PCDH11X: variants seen among roughly 807,000 people sequenced by gnomAD.
The protein encoded by PCDH11X is protocadherin-11 X-linked.
PCDH11X carries 18 observed loss-of-function variants against 53.3 expected under a neutral mutation model. That is an observed-to-expected ratio of 0.34 (90% CI 0.23 to 0.50). The LOEUF is 0.50. Among genes scored for constraint, PCDH11X ranks in the 20% least tolerant of loss-of-function variants. The pLI is 0.98. For missense variants in PCDH11X, 570 were observed against 1,032.4 expected, an observed-to-expected ratio of 0.55 and a Z score of 6.14; for synonymous variants, 279 against 393.3, an observed-to-expected ratio of 0.71 and a Z score of 3.44.
At chrX:92,131,922 G>A (rs1295276329) in intron 6 of PCDH11X, among the ~76,000 whole-genome samples, 5 of 108,380 alleles carry the variant, frequency 4.6e-5, no homozygotes, top group African/African-American at 1.3e-4. Context: ...AACTCTTGGT[G>A]GGCTTTTGTT....
chrX:92,377,512 ATG>A (rs1221408791), intron 8 of PCDH11X, among the ~76,000 whole-genome samples: 3 of 111,474 alleles, frequency 2.7e-5, no homozygotes, highest in Non-Finnish European at 5.7e-5. Context: ...AATAGAAAAT[ATG>A]TGATTCCTTT....
At chrX:92,383,863 A>G (rs1385785227) in intron 8 of PCDH11X, among the ~76,000 whole-genome samples, 1 of 111,671 alleles carries the variant, frequency 9.0e-6, no homozygotes, top group Non-Finnish European at 1.9e-5. Flanking sequence ...GCTGGGTCAA[A>G]TGGTATTTCT....
chrX:91,837,584 G>A (rs1389207954), intron 5 of PCDH11X, among the ~76,000 whole-genome samples: 1 of 111,445 alleles, frequency 9.0e-6, no homozygotes, highest in African/African-American at 3.3e-5. Context: ...CATAATATGA[G>A]GATGATAATT....
intron 4 of PCDH11X, among the ~76,000 whole-genome samples, chrX:91,824,562 A>T (rs1936833736): frequency 9.3e-6 from 1 of 107,019 alleles, no homozygotes; most frequent in Admixed American, 9.9e-5. Context: ...TGGTTATTCT[A>T]GTTATACATT....
intron 8 of PCDH11X, among the ~76,000 whole-genome samples, chrX:92,295,267 A>C (rs767256824): frequency 9.0e-6 from 1 of 110,622 alleles, no homozygotes; most frequent in East Asian, 2.9e-4. Context: ...TGTGTTATTT[A>C]TATTGGTCAT....
At chrX:92,282,079 G>A (rs1402785886) in intron 8 of PCDH11X, among the ~76,000 whole-genome samples, 2 of 110,867 alleles carry the variant, frequency 1.8e-5, no homozygotes, top group Non-Finnish European at 3.8e-5. Context: ...AGAGGAGGGA[G>A]GAGGAGAAGG....
intron 10 of PCDH11X, among the ~76,000 whole-genome samples, chrX:92,592,500 G>A (rs1053054910): frequency 9.1e-6 from 1 of 109,475 alleles, no homozygotes; most frequent in Non-Finnish European, 1.9e-5. Flanking sequence ...GGGAGGCTGA[G>A]TTGGTCAGAT....
intron 5 of PCDH11X, among the ~76,000 whole-genome samples, chrX:91,847,528 C>A (rs1937750012): frequency 9.0e-6 from 1 of 111,038 alleles, no homozygotes; most frequent in Non-Finnish European, 1.9e-5. Context: ...GTAATTCCTT[C>A]TTTTCCATTT....
intron 5 of PCDH11X, among the ~76,000 whole-genome samples, chrX:91,837,141 G>T: frequency 9.3e-6 from 1 of 107,020 alleles, no homozygotes; most frequent in East Asian, 2.9e-4. Context: ...TGACCTGGAG[G>T]ATATATAATA....
intron 6 of PCDH11X, among the ~76,000 whole-genome samples, chrX:92,010,725 AT>A (rs200421427): frequency 1.0e-4 from 11 of 108,314 alleles, no homozygotes; most frequent in East Asian, 8.7e-4. Context: ...CACAATCACT[AT>A]TTTTTTTTCT....
At chrX:91,873,793 AT>A (rs1939447897) in intron 5 of PCDH11X, among the ~76,000 whole-genome samples, 2 of 111,622 alleles carry the variant, frequency 1.8e-5, no homozygotes, top group South Asian at 7.4e-4. Flanking sequence ...ACTTTGGAAC[AT>A]TTTCCTTGTT....
intron 9 of PCDH11X, among the ~76,000 whole-genome samples, chrX:92,406,085 T>C (rs2071504730): frequency 1.5e-5 from 1 of 67,453 alleles, no homozygotes; most frequent in Non-Finnish European, 2.6e-5. Context: ...GGCAACAGAG[T>C]GAGACTCTGT....
At chrX:92,418,656 A>G (rs1263475455) in intron 9 of PCDH11X, among the ~76,000 whole-genome samples, 1 of 108,931 alleles carries the variant, frequency 9.2e-6, no homozygotes, top group Admixed American at 9.9e-5. Context: ...TAGTGGTACG[A>G]TCATAGTTTA....
chrX:92,499,270 C>A (rs1300039930), intron 10 of PCDH11X, among the ~76,000 whole-genome samples: 2 of 92,864 alleles, frequency 2.2e-5, no homozygotes, highest in Non-Finnish European at 4.3e-5. Flanking sequence ...AATATGATAT[C>A]TAAGTTAATT....
At chrX:92,206,039 A>G (rs1427983532) in intron 7 of PCDH11X, among the ~76,000 whole-genome samples, 1 of 112,157 alleles carries the variant, frequency 8.9e-6, no homozygotes. Flanking sequence ...CTTGTTATTG[A>G]CACAATTATT....
chrX:92,382,339 A>C (rs1310022044), intron 8 of PCDH11X, among the ~76,000 whole-genome samples: 1 of 111,183 alleles, frequency 9.0e-6, no homozygotes, highest in African/African-American at 3.3e-5. Flanking sequence ...GTTTGAACTC[A>C]TGGCGTGTGC....
intron 8 of PCDH11X, among the ~76,000 whole-genome samples, chrX:92,330,397 A>C (rs982803788): frequency 3.6e-5 from 4 of 111,082 alleles, no homozygotes; most frequent in Non-Finnish European, 7.6e-5. Context: ...TAACATTTAG[A>C]ATACTTAAAA....
chrX:91,931,774 A>C (rs745685530), intron 6 of PCDH11X, among the ~76,000 whole-genome samples: 1 of 110,782 alleles, frequency 9.0e-6, no homozygotes, highest in East Asian at 2.9e-4. Context: ...GCAGTCAAAC[A>C]TTCTCTACTC....
chrX:92,264,429 G>T (rs2067780903), intron 8 of PCDH11X, among the ~76,000 whole-genome samples: 1 of 111,545 alleles, frequency 9.0e-6, no homozygotes, highest in East Asian at 2.8e-4. Context: ...AAGGAAGGAA[G>T]CAAGGGTAGT....
Sources: allele counts gnomAD v4.1 joint callset (sites outside exome capture counted in the v4.1 genomes callset), GRCh38; gene constraint gnomAD v4.1.1; transcripts MANE v1.5; gene names NCBI Gene and HGNC (gene_info 2026-07-23, HGNC 2026-07-21).